Variants in CDH12 observed in about 807,000 individuals in gnomAD.
CDH12 encodes cadherin 12.
In CDH12, 41 loss-of-function variants were observed where a neutral mutation model predicts 74.1. The observed-to-expected ratio is 0.55, with a 90% CI of 0.43 to 0.72. The LOEUF (loss-of-function observed/expected upper bound fraction) is 0.72, where lower values mean the gene tolerates loss of function less well. CDH12 is among the 30% of genes least tolerant of loss of function. The pLI, the probability that CDH12 is intolerant of heterozygous loss-of-function variation, is 0.00. For synonymous variants in CDH12, 399 were observed against 355.0 expected (o/e 1.12, Z -1.39); for missense variants, 945 against 977.2 (o/e 0.97, Z 0.44).
In CDH12 at chr5:22,699,292, C is replaced by G. The variant is rs888002970; in HGVS notation, c.-523+153766G>C. Among the ~76,000 whole-genome samples the G allele has an allele frequency of 2.8e-4, 43 of 152,052 alleles. 2 individuals carry two copies. The highest frequency in any genetic ancestry group is 9.9e-4 in the African/African-American group (41 of 41,394). ...TGTGGTTTAACTTAAAATATAGGTT[C>G]ATATAGGAAAACTTCTTTTTAGAAC... On this transcript the variant is annotated intron_variant, in intron 1 of 14. Coordinates refer to ENST00000382254, the MANE Select transcript of CDH12 (RefSeq NM_004061.5).
intron 4 of CDH12, among the ~76,000 whole-genome samples, chr5:22,107,753 G>A (rs965367002): frequency 3.3e-5 from 5 of 152,034 alleles, no homozygotes; most frequent in South Asian, 4.1e-4. Context: ...ATTAGACAAC[G>A]TGAATACACT....
intron 10 of CDH12, among the ~76,000 whole-genome samples, chr5:21,783,833 G>T (rs1746050740): frequency 6.6e-6 from 1 of 152,044 alleles, no homozygotes; most frequent in African/African-American, 2.4e-5. Flanking sequence ...CTTAACAGTG[G>T]CTATGACTGT....
intron 3 of CDH12, among the ~76,000 whole-genome samples, chr5:22,276,293 G>T (rs58689302): frequency 1.3e-5 from 2 of 152,110 alleles, no homozygotes. Context: ...GCCAATAAAA[G>T]AAATCTCATT....
chr5:22,758,450 T>A (rs1746044814), intron 1 of CDH12, among the ~76,000 whole-genome samples: 3 of 151,830 alleles, frequency 2.0e-5, no homozygotes. Context: ...CAAAAATCAT[T>A]CCCAGATGAA....
chr5:22,843,963 T>C (rs1353875963), intron 1 of CDH12, among the ~76,000 whole-genome samples: 1 of 152,018 alleles, frequency 6.6e-6, no homozygotes, highest in Non-Finnish European at 1.5e-5. Flanking sequence ...TTTTGCATGT[T>C]TTTGTATTAA....
chr5:22,558,535 A>G (rs1738902998), intron 1 of CDH12, among the ~76,000 whole-genome samples: 1 of 152,110 alleles, frequency 6.6e-6, no homozygotes, highest in African/African-American at 2.4e-5. Context: ...GCTCACTAAG[A>G]GTTAGTCTTT....
chr5:22,629,877 A>C (rs940692547), intron 1 of CDH12, among the ~76,000 whole-genome samples: 1 of 152,120 alleles, frequency 6.6e-6, no homozygotes, highest in Non-Finnish European at 1.5e-5. Flanking sequence ...TCTGCCTAAA[A>C]GCTCCTAGGT....
At chr5:21,931,480 G>T (rs1288506994) in intron 6 of CDH12, among the ~76,000 whole-genome samples, 1 of 152,108 alleles carries the variant, frequency 6.6e-6, no homozygotes, top group Non-Finnish European at 1.5e-5. Flanking sequence ...ATGAACAAAA[G>T]AAATATTCAC....
At chr5:22,343,114 C>T (rs900748509) in intron 3 of CDH12, among the ~76,000 whole-genome samples, 1 of 151,940 alleles carries the variant, frequency 6.6e-6, no homozygotes, top group Non-Finnish European at 1.5e-5. Context: ...CTCAGCCTCC[C>T]AAAGTGCTGG....
At chr5:22,058,433 A>C (rs1271512190) in intron 5 of CDH12, among the ~76,000 whole-genome samples, 1 of 152,144 alleles carries the variant, frequency 6.6e-6, no homozygotes, top group Non-Finnish European at 1.5e-5. Context: ...TGTATTTATA[A>C]AAGTACAAAT....
intron 3 of CDH12, among the ~76,000 whole-genome samples, chr5:22,373,960 A>G (rs1261378): frequency 0.34 from 51,633 of 152,132 alleles, 10,262 homozygotes; most frequent in Admixed American, 0.46. Context: ...TGTTCACAAA[A>G]TCCTGAATAA....
intron 1 of CDH12, among the ~76,000 whole-genome samples, chr5:22,583,076 A>G (rs1175550421): frequency 2.6e-5 from 4 of 152,066 alleles, no homozygotes; most frequent in African/African-American, 9.7e-5. Flanking sequence ...CAGGGCACTC[A>G]TCTACACAGA....
intron 6 of CDH12, among the ~76,000 whole-genome samples, chr5:21,923,888 A>T (rs959801812): frequency 2.0e-5 from 3 of 152,204 alleles, no homozygotes; most frequent in Non-Finnish European, 4.4e-5. Flanking sequence ...CTCTTTTGCA[A>T]ATTGAAGACA....
At chr5:21,909,271 T>C (rs1753765225) in intron 6 of CDH12, among the ~76,000 whole-genome samples, 1 of 152,202 alleles carries the variant, frequency 6.6e-6, no homozygotes, top group African/African-American at 2.4e-5. Flanking sequence ...TCTGTGACTG[T>C]ATCATAATTA....
At chr5:21,972,885 GA>G (rs1334887646) in intron 6 of CDH12, among the ~76,000 whole-genome samples, 1 of 151,602 alleles carries the variant, frequency 6.6e-6, no homozygotes, top group African/African-American at 2.4e-5. Flanking sequence ...ACATTCAAAA[GA>G]AATACCCTTC....
chr5:22,134,915 G>A (rs1746368990), intron 4 of CDH12, among the ~76,000 whole-genome samples: 1 of 151,788 alleles, frequency 6.6e-6, no homozygotes, highest in Non-Finnish European at 1.5e-5. Context: ...AAGCTGCTGA[G>A]CTTCCAGCCA....
intron 4 of CDH12, among the ~76,000 whole-genome samples, chr5:22,152,970 A>G (rs534562654): frequency 1.1e-4 from 16 of 151,740 alleles, no homozygotes; most frequent in South Asian, 4.1e-4. Flanking sequence ...ATAGTTTTCT[A>G]TTGTGTACAT....
intron 8 of CDH12, among the ~76,000 whole-genome samples, chr5:21,836,708 G>C (rs1749555260): frequency 6.6e-6 from 1 of 151,842 alleles, no homozygotes; most frequent in Non-Finnish European, 1.5e-5. Context: ...AGATCAGCTT[G>C]TTAGATGGTT....
intron 1 of CDH12, among the ~76,000 whole-genome samples, chr5:22,593,328 C>T (rs958597883): frequency 1.3e-5 from 2 of 151,994 alleles, no homozygotes; most frequent in Non-Finnish European, 2.9e-5. Flanking sequence ...CTAATATTTG[C>T]TAAAATTAAT....
Sources: gnomAD v4.1 joint callset for allele counts (sites outside exome capture counted in the v4.1 genomes callset) on GRCh38, gnomAD v4.1.1 for gene constraint, MANE v1.5 for transcripts, NCBI Gene and HGNC (gene_info 2026-07-23, HGNC 2026-07-21) for gene names.